TSNARE1: variants seen among roughly 807,000 people sequenced by gnomAD.
The protein encoded by TSNARE1 is t-SNARE domain containing 1, also known as t-SNARE domain-containing protein 1.
A neutral mutation model predicts 62.0 loss-of-function variants in TSNARE1; 49 were observed. The ratio of observed to expected loss-of-function variants is 0.79; its 90% CI spans 0.63 to 1.00. TSNARE1 has a LOEUF of 1.00. Ranked by LOEUF, TSNARE1 falls within the 50% of genes least tolerant of loss-of-function variation. The probability of loss-of-function intolerance (pLI) is 0.00; values close to 1 mark genes in which losing one functional copy is unlikely to be tolerated. For synonymous variants in TSNARE1, 328 were observed against 294.4 expected, an observed-to-expected ratio of 1.11 and a Z score of -1.17; for missense variants, 755 against 700.1, an observed-to-expected ratio of 1.08 and a Z score of -0.88.
chr8:142,269,134 C>T (rs1489345830), intron 12 of TSNARE1, among the ~76,000 whole-genome samples: 1 of 152,174 alleles, frequency 6.6e-6, no homozygotes, highest in Admixed American at 6.5e-5. Flanking sequence ...AGAGGATACT[C>T]CCAGAAGATG....
At chr8:142,262,181 T>C (rs1466869673) in intron 12 of TSNARE1, among the ~76,000 whole-genome samples, 3 of 152,204 alleles carry the variant, frequency 2.0e-5, no homozygotes, top group African/African-American at 7.2e-5. Flanking sequence ...ATGGCTGTTT[T>C]TAGGCCTTCG....
rs79790304 is a variant in TSNARE1 at position 142,354,021 on chromosome 8, C to T, written c.88+616G>A. Among the ~76,000 whole-genome samples the T allele has an allele frequency of 6.6e-3, 1,012 of 152,246 alleles. 10 individuals are homozygous for T. The highest frequency in any genetic ancestry group is 0.021 in the East Asian group (106 of 5,158). ...CACCTACATGACCCAGGCCTGCCCA[C>T]GTGAAGGGCCGGATGTGCAGGCCAA... On this transcript the variant is annotated intron_variant, in intron 2 of 13. Transcript: ENST00000524325.
At chr8:142,403,414 G>T (rs2131552886), upstream of TSNARE1, among the ~76,000 whole-genome samples, 1 of 152,144 alleles carries the variant, frequency 6.6e-6, no homozygotes, top group East Asian at 1.9e-4. Flanking sequence ...TTGCATATGG[G>T]GATGACGGCG....
In TSNARE1 at chr8:142,276,603, C is replaced by A. The variant is rs1057495543; in HGVS notation, c.1364-1740G>T. 3.0e-6 allele frequency: 3 copies of A among 985,288 alleles called. No homozygotes were observed. In the African/African-American group the frequency reaches 5.2e-5, roughly 17 times the overall value. 61.0% of individuals were successfully genotyped at this position (985,288 alleles called of 1,614,324 possible). A position where few individuals can be genotyped will look rare whatever the true frequency, so the allele number is the denominator to read the frequency against. ...CAGGTGGTGCTGGACAGGCCATGTG[C>A]CCTGGCTGGACACTTTCTCTGCCCC... On this transcript the variant is annotated intron_variant, in intron 11 of 13. Coordinates refer to ENST00000524325, the MANE Select transcript of TSNARE1 (RefSeq NM_145003.5).
chr8:142,396,337 C>T (rs1054914634), intron 1 of TSNARE1, among the ~76,000 whole-genome samples: 5 of 152,146 alleles, frequency 3.3e-5, no homozygotes, highest in African/African-American at 9.7e-5. Flanking sequence ...CCTCTGGGGG[C>T]TCACACCACC....
chr8:142,318,568 G>T lies in TSNARE1; in HGVS notation c.960C>A (p.Ala320=). ...AASASSVKQM[A]ELLRSSCPQE... ...CCGGGCAGGAGCTGCGCAGCAGCTCGGCCATCTGCTTCACGGAGCTGGCGC... is the reference window on the plus strand; with the variant it reads ...CCGGGCAGGAGCTGCGCAGCAGCTCTGCCATCTGCTTCACGGAGCTGGCGC... The change falls in exon 7 of 14, where the codon GCC becomes GCA. Residue 320 remains alanine, a synonymous_variant. Coordinates refer to ENST00000524325, the MANE Select transcript of TSNARE1 (RefSeq NM_145003.5). 1 of 1,613,444 alleles carries T rather than the reference G, an allele frequency of 6.2e-7. No homozygotes were observed.
At chr8:142,360,339 CT>C (rs941396090) in intron 1 of TSNARE1, among the ~76,000 whole-genome samples, 1 of 152,174 alleles carries the variant, frequency 6.6e-6, no homozygotes, top group African/African-American at 2.4e-5. Flanking sequence ...AGAGCGGGCA[CT>C]GGCTGAGCCA....
chr8:142,333,090 G>A (rs866828317), intron 4 of TSNARE1, among the ~76,000 whole-genome samples: 46 of 152,352 alleles, frequency 3.0e-4, no homozygotes, highest in Middle Eastern at 6.8e-3. Context: ...GGCCAGGCTG[G>A]GGAACTGGGG....
chr8:142,393,499 T>C (rs533219950), intron 1 of TSNARE1, among the ~76,000 whole-genome samples: 2 of 152,316 alleles, frequency 1.3e-5, no homozygotes, highest in African/African-American at 2.4e-5. Context: ...GGGTGAAGAG[T>C]GCACAGGATC....
At chr8:142,348,348 C>T (rs986012968) in intron 2 of TSNARE1, among the ~76,000 whole-genome samples, 1 of 152,320 alleles carries the variant, frequency 6.6e-6, no homozygotes, top group South Asian at 2.1e-4. Context: ...CAGATGCTTA[C>T]AGTATTTCTG....
At chr8:142,366,869 G>T (rs919657117) in intron 1 of TSNARE1, among the ~76,000 whole-genome samples, 2 of 152,136 alleles carry the variant, frequency 1.3e-5, no homozygotes, top group Non-Finnish European at 2.9e-5. Flanking sequence ...CAGTATACTT[G>T]GAAAACCCTA....
At chr8:142,394,590 CCA>C (rs1309658951) in intron 1 of TSNARE1, among the ~76,000 whole-genome samples, 2 of 152,212 alleles carry the variant, frequency 1.3e-5, no homozygotes, top group Non-Finnish European at 2.9e-5. Flanking sequence ...GAATGACAGG[CCA>C]CAGTTTCTAC....
chr8:142,296,386 G>A (rs140673728), intron 10 of TSNARE1, among the ~76,000 whole-genome samples: 1,658 of 126,866 alleles, frequency 0.013, 26 homozygotes, highest in East Asian at 0.033. Context: ...CTGTCATGGG[G>A]GAGGGGTGGT....
At chr8:142,397,897 C>T (rs1027388293) in intron 1 of TSNARE1, among the ~76,000 whole-genome samples, 7 of 152,278 alleles carry the variant, frequency 4.6e-5, no homozygotes, top group African/African-American at 1.4e-4. Flanking sequence ...CACAGGCCCT[C>T]GGTGTGGCAC....
At chr8:142,280,232 G>T (rs1016060971) in intron 11 of TSNARE1, 25 of 985,392 alleles carry the variant, frequency 2.5e-5, no homozygotes, top group Admixed American at 6.1e-5. Context: ...GGCCGCAGGG[G>T]TGTGGAGCCC....
At chr8:142,258,543 G>A (rs868770825) in intron 12 of TSNARE1, among the ~76,000 whole-genome samples, 8 of 148,568 alleles carry the variant, frequency 5.4e-5, no homozygotes, top group Admixed American at 2.7e-4. Flanking sequence ...GTGCCGTGGC[G>A]TGATCTAGGC....
intron 1 of TSNARE1, among the ~76,000 whole-genome samples, chr8:142,357,582 G>C (rs779460947): frequency 4.6e-5 from 7 of 152,176 alleles, no homozygotes; most frequent in Non-Finnish European, 1.0e-4. Flanking sequence ...GATTGGCACG[G>C]AACCCAGGGA....
In TSNARE1 at chr8:142,331,626, C is replaced by A. The variant is rs1449761315; in HGVS notation, c.823+128G>T. 22 of 892,646 alleles carry A rather than the reference C, an allele frequency of 2.5e-5. No homozygotes were observed. In the South Asian group the frequency reaches 2.6e-4, roughly 10 times the overall value. 55.3% of individuals were successfully genotyped at this position (892,646 alleles called of 1,614,324 possible). ...ATCCAACGTCGCATCAGTGGACCCA[C>A]GAAACCCGGGACTGCACCGCAGGAT... On this transcript the variant is annotated intron_variant, in intron 5 of 13. Coordinates refer to ENST00000524325, the MANE Select transcript of TSNARE1 (RefSeq NM_145003.5).
intron 12 of TSNARE1, chr8:142,273,295 G>T: frequency 1.0e-6 from 1 of 985,450 alleles, no homozygotes; most frequent in Non-Finnish European, 1.2e-6. Flanking sequence ...GGGTCATCTT[G>T]CTGGCTGGCT....
Sources: gnomAD v4.1 joint callset for allele counts (sites outside exome capture counted in the v4.1 genomes callset) on GRCh38, gnomAD v4.1.1 for gene constraint, MANE v1.5 for transcripts, NCBI Gene and HGNC (gene_info 2026-07-23, HGNC 2026-07-21) for gene names.